DOK6: variants seen among roughly 807,000 people sequenced by gnomAD.
DOK6 encodes the protein docking protein 6, also known as downstream of tyrosine kinase 6.
In DOK6, 22 loss-of-function variants were observed where a neutral mutation model predicts 44.0. The observed-to-expected ratio is 0.50, with a 90% CI of 0.36 to 0.71. The LOEUF is 0.71. Among genes scored for constraint, DOK6 ranks in the 30% least tolerant of loss-of-function variants. DOK6 has a pLI of 0.00. For missense variants in DOK6, 340 were observed against 416.4 expected, an observed-to-expected ratio of 0.82 and a Z score of 1.60; for synonymous variants, 166 against 145.5, an observed-to-expected ratio of 1.14 and a Z score of -1.01.
intron 7 of DOK6, among the ~76,000 whole-genome samples, chr18:69,825,690 T>C (rs899563815): frequency 1.3e-5 from 2 of 152,020 alleles, no homozygotes; most frequent in Non-Finnish European, 2.9e-5. Context: ...GATTTAACTT[T>C]CTATTCTATT....
At chr18:69,756,012 C>T (rs753565073) in intron 6 of DOK6, among the ~76,000 whole-genome samples, 11 of 152,208 alleles carry the variant, frequency 7.2e-5, no homozygotes, top group Non-Finnish European at 8.8e-5. Context: ...CTGGTGGCTC[C>T]GCCCCATTTT....
intron 7 of DOK6, among the ~76,000 whole-genome samples, chr18:69,788,390 G>T (rs1980496801): frequency 6.6e-6 from 1 of 152,166 alleles, no homozygotes. Flanking sequence ...ACTTCCTGAA[G>T]AATGCAGCCA....
intron 7 of DOK6, among the ~76,000 whole-genome samples, chr18:69,806,118 C>G (rs1201142515): frequency 6.6e-6 from 1 of 151,756 alleles, no homozygotes; most frequent in Non-Finnish European, 1.5e-5. Flanking sequence ...CCTTTCTTTT[C>G]TGGGATCATT....
At chr18:69,607,366 G>T (rs9319785) in intron 3 of DOK6, among the ~76,000 whole-genome samples, 31 of 152,020 alleles carry the variant, frequency 2.0e-4, no homozygotes, top group Non-Finnish European at 3.5e-4. Flanking sequence ...TTAACTTTAA[G>T]TTTAAAAATT....
chr18:69,714,370 G>C (rs2144718074), intron 5 of DOK6, among the ~76,000 whole-genome samples: 1 of 152,264 alleles, frequency 6.6e-6, no homozygotes, highest in East Asian at 1.9e-4. Flanking sequence ...GAGCTGCCTG[G>C]ACAGACTAGA....
At chr18:69,585,579 C>G (rs959094277) in intron 2 of DOK6, among the ~76,000 whole-genome samples, 1 of 152,168 alleles carries the variant, frequency 6.6e-6, no homozygotes, top group African/African-American at 2.4e-5. Context: ...TGCTTAACTT[C>G]CTTGTCGGAT....
intron 5 of DOK6, among the ~76,000 whole-genome samples, chr18:69,719,147 G>A (rs1157500835): frequency 6.6e-6 from 1 of 152,174 alleles, no homozygotes; most frequent in East Asian, 1.9e-4. Flanking sequence ...CAAATGGAAG[G>A]ACAGGAGATG....
intron 1 of DOK6, among the ~76,000 whole-genome samples, chr18:69,429,652 TATATATATATATC>T: frequency 1.2e-5 from 1 of 82,226 alleles, no homozygotes; most frequent in African/African-American, 5.1e-5. Flanking sequence ...TATATATATA[TATATATATATATC>T]TTATTAATAC....
chr18:69,823,734 T>C (rs1194478710), intron 7 of DOK6, among the ~76,000 whole-genome samples: 3 of 151,978 alleles, frequency 2.0e-5, no homozygotes, highest in African/African-American at 7.3e-5. Flanking sequence ...CCTGGTGCCT[T>C]CCTTCTATGA....
At chr18:69,811,802 G>A (rs1256773576) in intron 7 of DOK6, among the ~76,000 whole-genome samples, 1 of 151,718 alleles carries the variant, frequency 6.6e-6, no homozygotes, top group Non-Finnish European at 1.5e-5. Context: ...AAATGCAGAG[G>A]TACTGGACAG....
chr18:69,616,058 T>C (rs1015305046), intron 3 of DOK6, among the ~76,000 whole-genome samples: 2 of 152,196 alleles, frequency 1.3e-5, no homozygotes, highest in African/African-American at 4.8e-5. Flanking sequence ...AAGTGTGACA[T>C]GCAAAATACT....
intron 1 of DOK6, among the ~76,000 whole-genome samples, chr18:69,487,818 C>T (rs1310641687): frequency 2.6e-5 from 4 of 152,146 alleles, no homozygotes; most frequent in Non-Finnish European, 4.4e-5. Context: ...ATCTTGCTTT[C>T]GCTTTTGACC....
intron 6 of DOK6, among the ~76,000 whole-genome samples, chr18:69,753,961 A>C (rs539775021): frequency 6.6e-6 from 1 of 152,136 alleles, no homozygotes; most frequent in African/African-American, 2.4e-5. Context: ...TCATAACATA[A>C]TTTTTTATAT....
chr18:69,691,083 T>C (rs949786021), intron 4 of DOK6, among the ~76,000 whole-genome samples: 3 of 151,538 alleles, frequency 2.0e-5, no homozygotes, highest in African/African-American at 7.3e-5. Context: ...TACTCTGGAG[T>C]CTGAGGGAGG....
intron 3 of DOK6, among the ~76,000 whole-genome samples, chr18:69,665,918 G>T (rs760168934): frequency 1.3e-4 from 20 of 151,666 alleles, no homozygotes; most frequent in Non-Finnish European, 2.4e-4. Context: ...TCTTTTCCCT[G>T]AACCATTTCT....
chr18:69,795,277 T>C (rs1980711133), intron 7 of DOK6, among the ~76,000 whole-genome samples: 1 of 152,086 alleles, frequency 6.6e-6, no homozygotes, highest in Admixed American at 6.6e-5. Flanking sequence ...ACAGTTCTCA[T>C]ACAAGATAGA....
intron 1 of DOK6, among the ~76,000 whole-genome samples, chr18:69,544,512 A>G (rs1477885259): frequency 6.6e-6 from 1 of 151,574 alleles, no homozygotes; most frequent in Non-Finnish European, 1.5e-5. Flanking sequence ...AATGTAAAAC[A>G]AAAATACTGT....
chr18:69,656,700 T>G (rs966028457), intron 3 of DOK6, among the ~76,000 whole-genome samples: 1 of 152,196 alleles, frequency 6.6e-6, no homozygotes, highest in Non-Finnish European at 1.5e-5. Flanking sequence ...GACACTGATA[T>G]GGTAAAAAAG....
chr18:69,682,034 A>T (rs1986057221), intron 4 of DOK6, among the ~76,000 whole-genome samples: 1 of 152,148 alleles, frequency 6.6e-6, no homozygotes, highest in Non-Finnish European at 1.5e-5. Flanking sequence ...GGCTACATAC[A>T]TTTCTTCTTT....
Sources: allele counts gnomAD v4.1 joint callset (sites outside exome capture counted in the v4.1 genomes callset), GRCh38; gene constraint gnomAD v4.1.1; transcripts MANE v1.5; gene names NCBI Gene and HGNC (gene_info 2026-07-23, HGNC 2026-07-21).